The following OSBPL8 variants were observed in gnomAD, a reference collection of about 807,000 sequenced individuals.
The protein encoded by OSBPL8 is oxysterol-binding protein-related protein 8.
A neutral mutation model predicts 125.5 loss-of-function variants in OSBPL8; 59 were observed. The ratio of observed to expected loss-of-function variants is 0.47; its 90% CI spans 0.38 to 0.58. The LOEUF (loss-of-function observed/expected upper bound fraction) is 0.58, where lower values mean the gene tolerates loss of function less well. Among genes scored for constraint, OSBPL8 ranks in the 20% least tolerant of loss-of-function variants. The pLI, the probability that OSBPL8 is intolerant of heterozygous loss-of-function variation, is 0.00. For missense variants in OSBPL8, 758 were observed against 1,047.8 expected, an observed-to-expected ratio of 0.72 and a Z score of 3.82; for synonymous variants, 330 against 338.9, an observed-to-expected ratio of 0.97 and a Z score of 0.29.
At chr12:76,408,109 C>T (rs1334330398) in intron 5 of OSBPL8, among the ~76,000 whole-genome samples, 3 of 140,652 alleles carry the variant, frequency 2.1e-5, no homozygotes, top group African/African-American at 8.0e-5. Flanking sequence ...GAGTTCGAAT[C>T]CAGCTTGGGC....
Position 76,392,564 on chromosome 12 carries a change from C to T in OSBPL8, c.929+17G>A, listed in dbSNP as rs373275339. The stretch of plus-strand genomic sequence containing the variant: ...GGTCTCTGAAACATTACCAACTCAG[C>T]GGCAGTATCTACTTACTGGAAGTTA... On this transcript the variant is annotated intron_variant, in intron 10 of 23. Transcript: ENST00000261183. The T allele has an allele frequency of 4.5e-5, 72 of 1,589,982 alleles. No homozygotes were observed. The highest frequency in any genetic ancestry group is 6.8e-5 in the Admixed American group (4 of 59,176).
chr12:76,356,750 A>C, intron 22 of OSBPL8, 22 bp from the exon 23 acceptor site: 2 of 1,460,148 alleles, frequency 1.4e-6, no homozygotes, highest in Middle Eastern at 1.8e-4. Flanking sequence ...TTTAGAATGA[A>C]GTTGAAACTA....
chr12:76,440,547 G>A (rs1020249303), intron 4 of OSBPL8, among the ~76,000 whole-genome samples: 2 of 152,070 alleles, frequency 1.3e-5, no homozygotes, highest in Non-Finnish European at 2.9e-5. Context: ...ACTGAAGGGT[G>A]TTTCTGCCAC....
chr12:76,480,591 T>C (rs1022101072), intron 2 of OSBPL8, among the ~76,000 whole-genome samples: 1 of 152,234 alleles, frequency 6.6e-6, no homozygotes, highest in African/African-American at 2.4e-5. Context: ...AGAATGTAAG[T>C]AATAAACTAG....
intron 3 of OSBPL8, among the ~76,000 whole-genome samples, chr12:76,455,017 G>C (rs185416110): frequency 1.3e-5 from 2 of 151,632 alleles, no homozygotes; most frequent in Admixed American, 1.3e-4. Context: ...GGTGGATCAC[G>C]AGGTCAGGAG....
At chr12:76,419,327 A>AT in intron 4 of OSBPL8, among the ~76,000 whole-genome samples, 1 of 152,220 alleles carries the variant, frequency 6.6e-6, no homozygotes, top group Non-Finnish European at 1.5e-5. Context: ...GCATTTAGGG[A>AT]TAAAAACATG....
At chr12:76,366,637 T>C (rs897442680) in intron 21 of OSBPL8, 1 of 429,516 alleles carries the variant, frequency 2.3e-6, no homozygotes, top group African/African-American at 2.1e-5. Context: ...AGTAAGGTTA[T>C]TGATTTGAGA....
intron 2 of OSBPL8, among the ~76,000 whole-genome samples, chr12:76,474,404 T>C (rs930214206): frequency 6.6e-6 from 1 of 152,070 alleles, no homozygotes; most frequent in Non-Finnish European, 1.5e-5. Context: ...GGGATAAATT[T>C]ATATATACGC....
At chr12:76,405,325 G>T (rs1291359335) in intron 5 of OSBPL8, among the ~76,000 whole-genome samples, 1 of 152,054 alleles carries the variant, frequency 6.6e-6, no homozygotes, top group Non-Finnish European at 1.5e-5. Context: ...TGGGCATAGT[G>T]GTGTGTCCCT....
At chr12:76,456,549 C>T (rs1443800943) in intron 3 of OSBPL8, among the ~76,000 whole-genome samples, 2 of 151,942 alleles carry the variant, frequency 1.3e-5, no homozygotes, top group Non-Finnish European at 2.9e-5. Flanking sequence ...ACTCAGGAGG[C>T]TGAGGCAGCC....
At chr12:76,368,082 A>AT (rs1382907417) in intron 21 of OSBPL8, among the ~76,000 whole-genome samples, 12 of 152,148 alleles carry the variant, frequency 7.9e-5, no homozygotes, top group Admixed American at 5.9e-4. Flanking sequence ...TTACCTTAGC[A>AT]TTTTTTTGTA....
rs148351072 is a variant in OSBPL8 at position 76,504,388 on chromosome 12, G to A, written c.-67-16770C>T. The stretch of plus-strand genomic sequence containing the variant: ...CTGTGCTCTCCTCTGTATCATAGAA[G>A]CTAAAAGCACGGAAACTACATTTTG... On this transcript the variant is annotated intron_variant, in intron 1 of 23. Transcript: ENST00000261183. 1.2e-3 allele frequency among the ~76,000 whole-genome samples: 186 copies of A among 152,198 alleles called. 1 individual carries two copies. Among genetic ancestry groups the A allele is most frequent in the African/African-American group, 4.3e-3 (179 of 41,540 alleles).
intron 1 of OSBPL8, among the ~76,000 whole-genome samples, chr12:76,542,964 A>C (rs1950687521): frequency 6.6e-6 from 1 of 152,198 alleles, no homozygotes; most frequent in Admixed American, 6.5e-5. Flanking sequence ...TCTGCGAGAA[A>C]TATTCTTTTC....
intron 1 of OSBPL8, among the ~76,000 whole-genome samples, chr12:76,530,448 T>G (rs1196886539): frequency 6.6e-6 from 1 of 152,140 alleles, no homozygotes; most frequent in Non-Finnish European, 1.5e-5. Flanking sequence ...TTTGTTTAAA[T>G]GCCATTTTAT....
chr12:76,473,083 C>T (rs999690538), intron 2 of OSBPL8, among the ~76,000 whole-genome samples: 8 of 152,078 alleles, frequency 5.3e-5, no homozygotes, highest in African/African-American at 1.4e-4. Flanking sequence ...TGGCCCTGTC[C>T]GGGCATAACA....
At chr12:76,378,630 T>A in intron 15 of OSBPL8, 80 bp from the exon 16 acceptor site, 1 of 954,372 alleles carries the variant, frequency 1.0e-6, no homozygotes. Context: ...TTAGAACACC[T>A]ACCAGACATC....
chr12:76,462,380 T>C (rs940162557), intron 2 of OSBPL8, among the ~76,000 whole-genome samples: 2 of 152,234 alleles, frequency 1.3e-5, no homozygotes, highest in Non-Finnish European at 2.9e-5. Flanking sequence ...CATGTCTGTG[T>C]CATACAAATC....
intron 1 of OSBPL8, among the ~76,000 whole-genome samples, chr12:76,517,940 G>A (rs1391198189): frequency 1.3e-5 from 2 of 152,144 alleles, no homozygotes; most frequent in East Asian, 1.9e-4. Context: ...GCCAACATTG[G>A]AGATCACATT....
chr12:76,544,667 G>A (rs541743841), intron 1 of OSBPL8, among the ~76,000 whole-genome samples: 1 of 152,220 alleles, frequency 6.6e-6, no homozygotes, highest in South Asian at 2.1e-4. Context: ...ATTAAGAAAT[G>A]TAACAAATTT....
Sources: gnomAD v4.1 joint callset for allele counts (sites outside exome capture counted in the v4.1 genomes callset) on GRCh38, gnomAD v4.1.1 for gene constraint, MANE v1.5 for transcripts, NCBI Gene and HGNC (gene_info 2026-07-23, HGNC 2026-07-21) for gene names.